Variants in DOCK10 observed in about 807,000 individuals in gnomAD.
The protein encoded by DOCK10 is dedicator of cytokinesis 10.
In DOCK10, 145 loss-of-function variants were observed where a neutral mutation model predicts 280.1. The ratio of observed to expected loss-of-function variants is 0.52; its 90% CI spans 0.45 to 0.59. The LOEUF (loss-of-function observed/expected upper bound fraction) is 0.59. Ranked by LOEUF, DOCK10 falls within the 20% of genes least tolerant of loss-of-function variation. DOCK10 has a pLI of 0.00. For missense variants in DOCK10, 2,368 were observed against 2,651.7 expected (o/e 0.89, Z 2.35); for synonymous variants, 915 against 942.2 (o/e 0.97, Z 0.53).
chr2:224,973,745 G>A (rs773631635), intron 1 of DOCK10, among the ~76,000 whole-genome samples: 4 of 152,158 alleles, frequency 2.6e-5, no homozygotes, highest in Non-Finnish European at 5.9e-5. Context: ...GCACCCTCAC[G>A]ACTCTCATTT....
rs114558660 is a variant in DOCK10 at position 224,863,308 on chromosome 2, T to C, written c.1603-562A>G. The stretch of plus-strand genomic sequence containing the variant: ...CTGGATTTGGCCTGCACACCATAGT[T>C]TGCCAAACACTGAATTATGGGACTC... On this transcript the variant is annotated intron_variant, in intron 13 of 55. Coordinates refer to ENST00000258390, the MANE Select transcript of DOCK10 (RefSeq NM_014689.3). Among the ~76,000 whole-genome samples the C allele has an allele frequency of 5.1e-3, 782 of 152,340 alleles. 9 individuals are homozygous for C. Among genetic ancestry groups the C allele is most frequent in the African/African-American group, 0.018 (730 of 41,578 alleles).
Position 224,802,021 on chromosome 2 carries a change from G to T in DOCK10, c.4288C>A (p.His1430Asn). 1 of 1,612,820 alleles carries T rather than the reference G, an allele frequency of 6.2e-7. No homozygotes were observed. Among genetic ancestry groups the T allele is most frequent in the Middle Eastern group, 1.7e-4 (1 of 6,058 alleles). Residue 1430 changes from histidine (H) to asparagine (N), a missense_variant, in exon 40 of 56, where the codon CAT (histidine) becomes AAT (asparagine). His to Asn is a moderately conservative substitution (Grantham distance 68). Around this residue, in one of 2 missense-constraint regions of DOCK10, gnomAD observed 1,159 missense variants for 1,400.8 expected, o/e 0.83. Coordinates refer to ENST00000258390, the MANE Select transcript of DOCK10 (RefSeq NM_014689.3). The stretch of plus-strand genomic sequence containing the variant: ...GATCTGTGCTGCTTATGGCCTTCAT[G>T]ACTGGAAGTGGAGTGCATCCTGAAA... Reference protein sequence around the residue: ...LSQWMHSTSSHEGHKQHRSQT... With the variant: ...LSQWMHSTSSNEGHKQHRSQT...
intron 1 of DOCK10, among the ~76,000 whole-genome samples, chr2:225,001,052 G>T (rs939785667): frequency 6.6e-6 from 1 of 152,186 alleles, no homozygotes; most frequent in Non-Finnish European, 1.5e-5. Flanking sequence ...AAACTATGAA[G>T]TGGCTTAGTG....
chr2:224,807,539 T>C, intron 33 of DOCK10, 129 bp downstream of exon 33: 2 of 634,010 alleles, frequency 3.2e-6, no homozygotes, highest in Non-Finnish European at 5.6e-6. Context: ...TGTGAGTACA[T>C]AGCAGAAAGT....
intron 3 of DOCK10, among the ~76,000 whole-genome samples, chr2:224,899,793 A>G (rs989932662): frequency 2.0e-5 from 3 of 152,202 alleles, no homozygotes; most frequent in Non-Finnish European, 4.4e-5. Flanking sequence ...TAGAATGCTC[A>G]AAGTATTTTA....
rs2125142306 is a variant in DOCK10 at position 224,796,996 on chromosome 2, T to G, written c.4795A>C (p.Lys1599Gln). 6.2e-7 allele frequency: 1 copy of G among 1,613,246 alleles called. No individual in the cohort carries two copies. The change falls in exon 43 of 56, where the codon AAG becomes CAG. Residue 1599 changes from lysine (K) to glutamine (Q), a missense_variant. Around this residue, in one of 2 missense-constraint regions of DOCK10, gnomAD observed 1,159 missense variants for 1,400.8 expected, o/e 0.83. Transcript: ENST00000258390. Reference sequence around the variant, plus strand: ...TGGGACCGGACAATTGACTTCTGCTTGTTAAATTCAAAATTCTTCCTCATG... The same window carrying G: ...TGGGACCGGACAATTGACTTCTGCTGGTTAAATTCAAAATTCTTCCTCATG... ...FFMRKNFEFN[K>Q]QKSIVRSHLQ... is the part of the protein sequence containing the mutation.
intron 1 of DOCK10, among the ~76,000 whole-genome samples, chr2:225,016,636 T>C (rs1250821067): frequency 3.9e-5 from 1 of 25,364 alleles, no homozygotes; most frequent in African/African-American, 2.2e-4. Flanking sequence ...TAGATACATA[T>C]ATCTATGTGC....
At chr2:224,773,107 C>T in intron 53 of DOCK10, 50 bp downstream of exon 53, 1 of 1,496,598 alleles carries the variant, frequency 6.7e-7, no homozygotes, top group African/African-American at 1.4e-5. Context: ...GCATTTTACA[C>T]CTGGTTTCAT....
chr2:225,014,430 A>G (rs558407028), intron 1 of DOCK10, among the ~76,000 whole-genome samples: 58 of 152,204 alleles, frequency 3.8e-4, no homozygotes, highest in African/African-American at 1.4e-3. Context: ...ATAATATACT[A>G]AGATATGATA....
chr2:225,031,834 G>C (rs1390362875), intron 1 of DOCK10, among the ~76,000 whole-genome samples: 2 of 152,212 alleles, frequency 1.3e-5, no homozygotes, highest in East Asian at 1.9e-4. Context: ...GGGATTGTAT[G>C]CTTGCCTCTG....
intron 24 of DOCK10, among the ~76,000 whole-genome samples, chr2:224,838,572 G>A (rs1162704036): frequency 6.6e-6 from 1 of 152,162 alleles, no homozygotes; most frequent in Non-Finnish European, 1.5e-5. Context: ...CTGGATGGTT[G>A]TGAAGCCATT....
chr2:224,856,712 G>T, intron 15 of DOCK10, 148 bp downstream of exon 15: 1 of 614,292 alleles, frequency 1.6e-6, no homozygotes, highest in Non-Finnish European at 2.6e-6. Flanking sequence ...CTTTTGTGGT[G>T]CTATTTGGGC....
intron 9 of DOCK10, 103 bp from the exon 10 acceptor site, chr2:224,874,452 T>C: frequency 2.0e-6 from 2 of 979,770 alleles, no homozygotes; most frequent in Non-Finnish European, 1.5e-6. Flanking sequence ...ATCACCATTT[T>C]AGTATTACCC....
At chr2:224,905,350 C>T (rs1411273948) in intron 3 of DOCK10, among the ~76,000 whole-genome samples, 1 of 151,200 alleles carries the variant, frequency 6.6e-6, no homozygotes, top group Non-Finnish European at 1.5e-5. Context: ...CGGGTTCACG[C>T]CATTCTCCTG....
Position 224,802,048 on chromosome 2 carries a change from C to CA in DOCK10, c.4269-9dup. 2 of 1,601,096 alleles carry CA rather than the reference C, an allele frequency of 1.2e-6. No individual in the cohort carries two copies. The highest frequency in any genetic ancestry group is 2.2e-5 in the East Asian group (1 of 44,684). On this transcript the variant is annotated splice_polypyrimidine_tract_variant and intron_variant, in intron 39 of 55. Transcript: ENST00000258390. ...CTGGAAGTGGAGTGCATCCTGAAAA[C>CA]AAAAAAAGAAAAGTGGTTAGAGTTA...
intron 1 of DOCK10, among the ~76,000 whole-genome samples, chr2:225,000,879 G>C (rs1179038605): frequency 6.6e-6 from 1 of 152,232 alleles, no homozygotes; most frequent in East Asian, 1.9e-4. Flanking sequence ...GGGAGGCTGA[G>C]GCAGGAGGAT....
At chr2:224,931,829 C>A (rs1237545618) in intron 1 of DOCK10, among the ~76,000 whole-genome samples, 161 bp from the exon 2 acceptor site, 1 of 152,162 alleles carries the variant, frequency 6.6e-6, no homozygotes, top group Non-Finnish European at 1.5e-5. Flanking sequence ...AAGCCACACA[C>A]CTATTATTTC....
chr2:224,899,586 A>G (rs943323170), intron 3 of DOCK10, among the ~76,000 whole-genome samples: 1 of 152,204 alleles, frequency 6.6e-6, no homozygotes, highest in Non-Finnish European at 1.5e-5. Context: ...ATTAATTTAT[A>G]TAGGCTGGTT....
chr2:225,042,222 G>A lies in DOCK10; in HGVS notation c.123+30C>T, dbSNP rs920160651. ...TTCCCCCCGGGCGCCTGGGGCGCGC[G>A]GGAAGGCGCGGAGGACGCGCCGCAC... On this transcript the variant is annotated intron_variant, in intron 1 of 55. Coordinates refer to ENST00000258390, the MANE Select transcript of DOCK10 (RefSeq NM_014689.3). This position sits in a 1 kb window ranked among gnomAD's most constrained non-coding sequence, Gnocchi z 5.1. The A allele has an allele frequency of 1.2e-5, 15 of 1,238,074 alleles. No individual in the cohort carries two copies. Among genetic ancestry groups the A allele is most frequent in the Non-Finnish European group, 1.4e-5 (14 of 992,020 alleles). The allele number at this position is 1,238,074 out of a possible 1,614,324, so 76.7% of individuals were successfully genotyped here.
Sources: allele counts gnomAD v4.1 joint callset (sites outside exome capture counted in the v4.1 genomes callset), GRCh38; gene constraint gnomAD v4.1.1; regional missense constraint gnomAD v4.1.1; non-coding constraint Gnocchi (gnomAD v3.1); transcripts MANE v1.5; gene names NCBI Gene and HGNC (gene_info 2026-07-23, HGNC 2026-07-21).